RAB38: variants seen among roughly 807,000 people sequenced by gnomAD.
The protein encoded by RAB38 is RAB38, member RAS oncogene family, also known as ras-related protein Rab-38.
Under a neutral mutation model 18.4 loss-of-function variants are expected in RAB38, and 15 were observed. The ratio of observed to expected loss-of-function variants is 0.82; its 90% CI spans 0.55 to 1.26. RAB38 has a LOEUF of 1.26. Among genes scored for constraint, RAB38 ranks in the 50% most tolerant of loss-of-function variants. The pLI is 0.00. For synonymous variants in RAB38, 101 were observed against 104.4 expected, an observed-to-expected ratio of 0.97 and a Z score of 0.20; for missense variants, 294 against 267.4, an observed-to-expected ratio of 1.10 and a Z score of -0.69.
At chr11:88,148,679 A>T (rs1021625666) in intron 2 of RAB38, among the ~76,000 whole-genome samples, 1 of 152,232 alleles carries the variant, frequency 6.6e-6, no homozygotes, top group Admixed American at 6.5e-5. Context: ...TGTGAACTCC[A>T]TAAGTACGGA....
the RAB38 span, among the ~76,000 whole-genome samples, chr11:88,063,697 G>A: frequency 6.6e-6 from 1 of 152,146 alleles, no homozygotes; most frequent in African/African-American, 2.4e-5. Flanking sequence ...TGTTCTCATG[G>A]TAGTGAATAA....
At chr11:88,011,082 T>C in the RAB38 span, among the ~76,000 whole-genome samples, 1 of 152,192 alleles carries the variant, frequency 6.6e-6, no homozygotes, top group Non-Finnish European at 1.5e-5. Context: ...GAGAGGCTAT[T>C]CCAGATGGGT....
At chr11:88,015,459 T>C in the RAB38 span, among the ~76,000 whole-genome samples, 1 of 152,148 alleles carries the variant, frequency 6.6e-6, no homozygotes, top group Non-Finnish European at 1.5e-5. Flanking sequence ...CTATAAGGAT[T>C]GAATGAGATC....
At chr11:88,158,132 T>C (rs777161699) in intron 1 of RAB38, among the ~76,000 whole-genome samples, 5 of 152,070 alleles carry the variant, frequency 3.3e-5, no homozygotes, top group Middle Eastern at 3.2e-3. Flanking sequence ...CAAAAGATTA[T>C]CAGAGACTGT....
chr11:88,069,237 G>A, the RAB38 span, among the ~76,000 whole-genome samples: 1 of 152,206 alleles, frequency 6.6e-6, no homozygotes, highest in Non-Finnish European at 1.5e-5. Context: ...AGCACTGCCA[G>A]CCCACCCGTG....
chr11:87,817,333 T>C, the RAB38 span: 1 of 152,158 alleles, frequency 6.6e-6, no homozygotes. Flanking sequence ...TTGTACCATA[T>C]TTTTTTCTTA....
the RAB38 span, among the ~76,000 whole-genome samples, chr11:88,023,429 T>C: frequency 6.6e-6 from 1 of 151,660 alleles, no homozygotes; most frequent in South Asian, 2.1e-4. Flanking sequence ...ATATTCCATG[T>C]TAATGGACTG....
the RAB38 span, among the ~76,000 whole-genome samples, chr11:87,975,784 C>CA: frequency 1.3e-5 from 2 of 151,194 alleles, no homozygotes; most frequent in Non-Finnish European, 3.0e-5. Flanking sequence ...AGAGGTATAA[C>CA]AAAAAAGCCA....
At chr11:88,093,072 C>T in the RAB38 span, among the ~76,000 whole-genome samples, 1 of 151,872 alleles carries the variant, frequency 6.6e-6, no homozygotes, top group Non-Finnish European at 1.5e-5. Context: ...AACTAATTAA[C>T]CATCTTTCTC....
chr11:87,952,457 A>G, the RAB38 span, among the ~76,000 whole-genome samples: 2 of 152,152 alleles, frequency 1.3e-5, no homozygotes, highest in Admixed American at 1.3e-4. Context: ...GTATATCCAC[A>G]TTCTCCTCTT....
At chr11:87,927,030 T>G in the RAB38 span, among the ~76,000 whole-genome samples, 14 of 151,974 alleles carry the variant, frequency 9.2e-5, no homozygotes, top group Non-Finnish European at 1.6e-4. Flanking sequence ...AAGTAAAGAT[T>G]TTGGTTGTAC....
chr11:87,859,209 T>C, the RAB38 span, among the ~76,000 whole-genome samples: 9 of 151,942 alleles, frequency 5.9e-5, no homozygotes, highest in Non-Finnish European at 1.2e-4. Flanking sequence ...AGAATGTTTA[T>C]ACGCCATTGA....
chr11:87,938,564 G>T, the RAB38 span, among the ~76,000 whole-genome samples: 3 of 150,838 alleles, frequency 2.0e-5, no homozygotes, highest in Non-Finnish European at 4.4e-5. Context: ...TGCAGTAGAG[G>T]GGTTATTGTT....
the RAB38 span, among the ~76,000 whole-genome samples, chr11:87,860,702 A>G: frequency 5.9e-5 from 9 of 151,988 alleles, no homozygotes; most frequent in Non-Finnish European, 8.8e-5. Context: ...TACAAATGAA[A>G]AAAACTTCAA....
At chr11:87,927,290 G>A in the RAB38 span, among the ~76,000 whole-genome samples, 1 of 152,014 alleles carries the variant, frequency 6.6e-6, no homozygotes, top group Admixed American at 6.6e-5. Context: ...CAGAGCTGGT[G>A]CTCAATATAG....
chr11:87,833,913 A>G, the RAB38 span, among the ~76,000 whole-genome samples: 9 of 152,356 alleles, frequency 5.9e-5, no homozygotes, highest in Admixed American at 5.2e-4. Context: ...TGCAGTTGCA[A>G]TTAAGGTTAT....
chr11:88,058,627 A>C, the RAB38 span, among the ~76,000 whole-genome samples: 26 of 152,228 alleles, frequency 1.7e-4, no homozygotes, highest in African/African-American at 6.0e-4. Flanking sequence ...GTATTGAAAT[A>C]ATTTCAAGGT....
chr11:87,910,395 T>C, the RAB38 span, among the ~76,000 whole-genome samples: 1 of 150,274 alleles, frequency 6.7e-6, no homozygotes, highest in African/African-American at 2.5e-5. Flanking sequence ...GAAAATAGTT[T>C]TCCTAGTCTG....
the RAB38 span, among the ~76,000 whole-genome samples, chr11:88,032,608 CA>C: frequency 3.9e-5 from 6 of 152,048 alleles, no homozygotes; most frequent in African/African-American, 1.4e-4. Context: ...TTTATGCAGC[CA>C]AAAAACACAT....
Sources: gnomAD v4.1 joint callset for allele counts (sites outside exome capture counted in the v4.1 genomes callset) on GRCh38, gnomAD v4.1.1 for gene constraint, MANE v1.5 for transcripts, NCBI Gene and HGNC (gene_info 2026-07-23, HGNC 2026-07-21) for gene names.